SORCS3: variants seen among roughly 807,000 people sequenced by gnomAD.
SORCS3 encodes the protein VPS10 domain-containing receptor SorCS3.
Under a neutral mutation model 146.3 loss-of-function variants are expected in SORCS3, and 57 were observed. That is an observed-to-expected ratio of 0.39 (90% CI 0.31 to 0.49). SORCS3 has a LOEUF of 0.49. Ranked by LOEUF, SORCS3 falls within the 20% of genes least tolerant of loss-of-function variation. The probability of loss-of-function intolerance (pLI) is 0.92; values close to 1 mark genes in which losing one functional copy is unlikely to be tolerated. For missense variants in SORCS3, 1,341 were observed against 1,575.5 expected (o/e 0.85, Z 2.52); for synonymous variants, 653 against 618.5 (o/e 1.06, Z -0.83).
At chr10:104,944,727 C>A (rs971415589) in intron 3 of SORCS3, among the ~76,000 whole-genome samples, 11 of 152,142 alleles carry the variant, frequency 7.2e-5, no homozygotes, top group African/African-American at 2.7e-4. Context: ...GGTGAGGCAA[C>A]TGGAACTTTC....
chr10:105,105,296 T>C, intron 6 of SORCS3, 101 bp from the exon 7 acceptor site: 1 of 666,960 alleles, frequency 1.5e-6, no homozygotes, highest in Non-Finnish European at 2.6e-6. Context: ...TATTTTAAAT[T>C]ACCTTGTTGA....
intron 1 of SORCS3, among the ~76,000 whole-genome samples, chr10:104,688,422 G>GCGTTGTGAATCAGAGCA (rs2016073969): frequency 6.6e-6 from 1 of 151,290 alleles, no homozygotes; most frequent in Non-Finnish European, 1.5e-5. Flanking sequence ...GATGCAGAGG[G>GCGTTGTGAATCAGAGCA]CGTTGTGAAT....
At chr10:104,921,122 C>A (rs2019082290) in intron 3 of SORCS3, among the ~76,000 whole-genome samples, 2 of 152,222 alleles carry the variant, frequency 1.3e-5, no homozygotes, top group South Asian at 4.1e-4. Context: ...TAGCTCACAG[C>A]TTCTCCTTCC....
intron 2 of SORCS3, among the ~76,000 whole-genome samples, chr10:104,869,188 A>G (rs2018490626): frequency 1.3e-5 from 2 of 151,914 alleles, no homozygotes; most frequent in South Asian, 2.1e-4. Flanking sequence ...CATATATTAC[A>G]TATATTTATA....
chr10:104,749,509 C>T (rs781736977), intron 1 of SORCS3, among the ~76,000 whole-genome samples: 1 of 152,126 alleles, frequency 6.6e-6, no homozygotes, highest in Non-Finnish European at 1.5e-5. Flanking sequence ...ATGTAAAATA[C>T]TATCAAGTTT....
intron 4 of SORCS3, among the ~76,000 whole-genome samples, chr10:105,004,000 C>CTTTTTTTTTT (rs1226455197): frequency 2.6e-4 from 37 of 140,286 alleles, no homozygotes; most frequent in African/African-American, 9.6e-4. Flanking sequence ...TCTTCTCTCT[C>CTTTTTTTTTT]TTTTTTTTTT....
chr10:105,077,342 C>G (rs982734029), intron 5 of SORCS3, among the ~76,000 whole-genome samples: 3 of 152,000 alleles, frequency 2.0e-5, no homozygotes, highest in African/African-American at 4.8e-5. Context: ...CTAATAAGTC[C>G]CAACCCTATG....
At chr10:105,031,119 C>A (rs1032824127) in intron 4 of SORCS3, among the ~76,000 whole-genome samples, 1 of 151,550 alleles carries the variant, frequency 6.6e-6, no homozygotes, top group Non-Finnish European at 1.5e-5. Flanking sequence ...ACATGGTAAA[C>A]CCCCGTCTCT....
At chr10:105,206,742 T>A (rs2056605068) in intron 16 of SORCS3, among the ~76,000 whole-genome samples, 1 of 152,218 alleles carries the variant, frequency 6.6e-6, no homozygotes, top group Admixed American at 6.5e-5. Context: ...AGCTAAATGA[T>A]GATGTTAATG....
chr10:104,803,797 A>G (rs2017651350), intron 1 of SORCS3, among the ~76,000 whole-genome samples: 1 of 152,130 alleles, frequency 6.6e-6, no homozygotes, highest in Non-Finnish European at 1.5e-5. Flanking sequence ...GAAAGGCAGT[A>G]TTATTTTTCT....
At chr10:104,654,977 T>G (rs1855583) in intron 1 of SORCS3, among the ~76,000 whole-genome samples, 51,725 of 152,056 alleles carry the variant, frequency 0.34, 8,958 homozygotes, top group Admixed American at 0.39. Flanking sequence ...TTTAGGCAGG[T>G]TGCATTGGCT....
intron 2 of SORCS3, among the ~76,000 whole-genome samples, chr10:104,886,583 T>TA (rs2018690686): frequency 6.6e-6 from 1 of 151,950 alleles, no homozygotes; most frequent in South Asian, 2.1e-4. Context: ...TCTATCTATC[T>TA]ATCTATCTAT....
intron 2 of SORCS3, among the ~76,000 whole-genome samples, chr10:104,845,576 C>T (rs1328165409): frequency 1.3e-5 from 2 of 152,032 alleles, no homozygotes; most frequent in East Asian, 1.9e-4. Flanking sequence ...TTAAGGATTC[C>T]TTGCTGCAGA....
At chr10:104,679,792 T>A (rs2015950436) in intron 1 of SORCS3, among the ~76,000 whole-genome samples, 1 of 152,204 alleles carries the variant, frequency 6.6e-6, no homozygotes, top group Non-Finnish European at 1.5e-5. Context: ...TTGACCTTCT[T>A]TTAATTGCTA....
intron 14 of SORCS3, among the ~76,000 whole-genome samples, chr10:105,180,886 C>A (rs545431280): frequency 2.6e-5 from 4 of 152,140 alleles, no homozygotes; most frequent in African/African-American, 9.7e-5. Context: ...TGGGTTCCCA[C>A]GCTCTATGTT....
chr10:105,039,010 A>G (rs1232516419), intron 4 of SORCS3, among the ~76,000 whole-genome samples: 3 of 152,222 alleles, frequency 2.0e-5, no homozygotes, highest in East Asian at 3.9e-4. Context: ...ACCAAGGCCT[A>G]CTTTGCATGG....
chr10:104,885,881 G>A (rs557147953), intron 2 of SORCS3, among the ~76,000 whole-genome samples: 3 of 152,254 alleles, frequency 2.0e-5, no homozygotes, highest in South Asian at 4.2e-4. Context: ...TATTTTGAGG[G>A]GAGAGCAAGA....
intron 1 of SORCS3, among the ~76,000 whole-genome samples, chr10:104,713,002 T>G (rs538132376): frequency 6.6e-6 from 1 of 152,206 alleles, no homozygotes; most frequent in Non-Finnish European, 1.5e-5. Context: ...ATAAACAGGA[T>G]TTAAAGTAAC....
chr10:104,975,853 G>T (rs565895975), intron 3 of SORCS3, among the ~76,000 whole-genome samples: 43 of 152,338 alleles, frequency 2.8e-4, no homozygotes, highest in African/African-American at 9.6e-4. Context: ...AAACCGGCTA[G>T]CCATATGTAG....
Sources: allele counts gnomAD v4.1 joint callset (sites outside exome capture counted in the v4.1 genomes callset), GRCh38; gene constraint gnomAD v4.1.1; transcripts MANE v1.5; gene names NCBI Gene and HGNC (gene_info 2026-07-23, HGNC 2026-07-21).